The following PHYKPL variants were observed in gnomAD, a reference collection of about 807,000 sequenced individuals.
The protein encoded by PHYKPL is 5-phosphohydroxy-L-lysine phospho-lyase.
A neutral mutation model predicts 51.3 loss-of-function variants in PHYKPL; 42 were observed. The observed-to-expected ratio is 0.82, with a 90% CI of 0.64 to 1.06. The LOEUF (loss-of-function observed/expected upper bound fraction) is 1.06, where lower values mean the gene tolerates loss of function less well. Among genes scored for constraint, PHYKPL ranks in the 50% least tolerant of loss-of-function variants. The pLI is 0.00. For synonymous variants in PHYKPL, 264 were observed against 236.0 expected (o/e 1.12, Z -1.09); for missense variants, 655 against 586.6 (o/e 1.12, Z -1.20).
intron 1 of PHYKPL, chr5:178,232,221 G>A (rs1011097993): frequency 2.4e-6 from 3 of 1,262,644 alleles, no homozygotes; most frequent in Non-Finnish European, 3.0e-6. Context: ...CCGAACAGCG[G>A]TGAGGGCGGG....
chr5:178,210,847 T>G, intron 12 of PHYKPL: 1 of 567,072 alleles, frequency 1.8e-6, no homozygotes, highest in Non-Finnish European at 3.1e-6. Flanking sequence ...CATCATGGGC[T>G]GATTTTTATT....
At chr5:178,214,212 A>C (rs1240353579) in intron 10 of PHYKPL, among the ~76,000 whole-genome samples, 1 of 152,130 alleles carries the variant, frequency 6.6e-6, no homozygotes. Context: ...TGGGGAATGG[A>C]GATAAAAGGG....
chr5:178,223,877 G>A (rs1326272165), intron 6 of PHYKPL: 1 of 199,136 alleles, frequency 5.0e-6, no homozygotes, highest in Non-Finnish European at 1.0e-5. Context: ...AGCTCACTTG[G>A]GGCCTGCTGG....
rs781761949 is a variant in PHYKPL, at chr5:178,213,038, G to C, written c.1238C>G (p.Pro413Arg). ...ATTGTCCAGGCTGAAGCACATTGGG[G>C]GCTTAAACTTCAGGATGTTCCTCCC... ...GPGRNILKFK[P>R]PMCFSLDNAR... The change falls in exon 11 of 13, where the codon CCC becomes CGC. Residue 413 changes from proline to arginine, a missense_variant. Transcript: ENST00000308158. 1.6e-5 allele frequency: 26 copies of C among 1,614,198 alleles called. No individual in the cohort carries two copies. In the East Asian group the frequency reaches 5.3e-4, roughly 33 times the overall value.
intron 11 of PHYKPL, 32 bp from the exon 12 acceptor site, chr5:178,212,002 G>A (rs751463560): frequency 6.2e-7 from 1 of 1,613,418 alleles, no homozygotes; most frequent in East Asian, 2.2e-5. Flanking sequence ...TGCCGACTCA[G>A]TCACCTTTCT....
chr5:178,209,899 T>G (rs542241980), intron 12 of PHYKPL, among the ~76,000 whole-genome samples: 1 of 151,874 alleles, frequency 6.6e-6, no homozygotes, highest in Non-Finnish European at 1.5e-5. Flanking sequence ...ACTGAGTGAG[T>G]GAGCTGCCTT....
Position 178,225,343 on chromosome 5 carries a change from A to G in PHYKPL, c.413+12T>C, listed in dbSNP as rs767207021. The stretch of plus-strand genomic sequence containing the variant: ...GGCTTCTGGGAACGGTAGGGCTGTG[A>G]GTTGCACTTACTGATCTAATACCAC... On this transcript the variant is annotated intron_variant, in intron 4 of 12. Transcript: ENST00000308158. 1.1e-5 allele frequency: 18 copies of G among 1,614,010 alleles called. No homozygotes were observed. The East Asian group carries it at 2.5e-4, about 22-fold the overall frequency.
At chr5:178,231,234 A>G (rs1217416743) in intron 2 of PHYKPL, among the ~76,000 whole-genome samples, 171 bp downstream of exon 2, 1 of 152,188 alleles carries the variant, frequency 6.6e-6, no homozygotes, top group African/African-American at 2.4e-5. Flanking sequence ...ACAGCTCCAG[A>G]TTGCAGAATT....
In PHYKPL at chr5:178,211,902, T is replaced by C. The variant is rs1184182772; in HGVS notation, c.*19A>G. On this transcript the variant is annotated 3_prime_UTR_variant, in exon 12 of 13. Coordinates refer to ENST00000308158, the MANE Select transcript of PHYKPL (RefSeq NM_153373.4). ...AAGGCCCACTCACCTGGAGTACACT[T>C]AGGCAGAGCAGGGCTGGCTTAGGGC... 1.2e-6 allele frequency: 2 copies of C among 1,613,740 alleles called. No individual in the cohort carries two copies. Among genetic ancestry groups the C allele is most frequent in the East Asian group, 4.5e-5 (2 of 44,880 alleles).
At chr5:178,210,107 C>G (rs1757726546) in intron 12 of PHYKPL, 1 of 1,612,378 alleles carries the variant, frequency 6.2e-7, no homozygotes, top group African/African-American at 1.3e-5. Flanking sequence ...GGTCCACGGG[C>G]CCCTGTGCCC....
intron 8 of PHYKPL, chr5:178,216,409 C>A (rs988362838): frequency 4.6e-5 from 7 of 152,122 alleles, no homozygotes; most frequent in African/African-American, 1.2e-4. Context: ...GAGTGACTTA[C>A]GGGTTCCAGG....
intron 6 of PHYKPL, chr5:178,224,195 G>A (rs1488796126): frequency 4.3e-6 from 2 of 465,924 alleles, no homozygotes; most frequent in African/African-American, 2.0e-5. Flanking sequence ...CCCCTACTGT[G>A]TCAGAGAGCA....
chr5:178,207,225 G>A, downstream of PHYKPL: 2 of 1,614,134 alleles, frequency 1.2e-6, no homozygotes, highest in Non-Finnish European at 1.7e-6. Flanking sequence ...GTGGAAGCAA[G>A]GTAAGGTGTT....
chr5:178,223,407 G>A, intron 6 of PHYKPL: 1 of 456,392 alleles, frequency 2.2e-6, no homozygotes, highest in South Asian at 1.5e-5. Context: ...CCTCCACATG[G>A]CCACCAGGGT....
chr5:178,219,196 T>C (rs1418407813), intron 8 of PHYKPL, among the ~76,000 whole-genome samples: 1 of 151,616 alleles, frequency 6.6e-6, no homozygotes, highest in Non-Finnish European at 1.5e-5. Context: ...AACAAAATGA[T>C]AAGAGTTGAC....
chr5:178,223,034 C>G, intron 6 of PHYKPL, 100 bp from the exon 7 acceptor site: 1 of 1,124,742 alleles, frequency 8.9e-7, no homozygotes, highest in South Asian at 1.4e-5. Context: ...AGACAAGTCA[C>G]CATCAGTGCT....
Position 178,222,426 on chromosome 5 carries a change from C to T in PHYKPL, c.856G>A (p.Val286Ile). ...GGCTGGGTTGCGGCCACGCAGGCAA[C>T]AGGGTGGCCGTTGCCAATGGACTTG... ...MGKSIGNGHP[V>I]ACVAATQPVA... Residue 286 changes from valine (V) to isoleucine (I), a missense_variant, in exon 8 of 13, where the codon GTT becomes ATT. Coordinates refer to ENST00000308158, the MANE Select transcript of PHYKPL (RefSeq NM_153373.4). 2 of 1,614,262 alleles carry T rather than the reference C, an allele frequency of 1.2e-6. No individual in the cohort carries two copies. The highest frequency in any genetic ancestry group is 1.7e-6 in the Non-Finnish European group (2 of 1,180,048).
Position 178,231,529 on chromosome 5 carries a change from G to C in PHYKPL, c.60-6C>G. On this transcript the variant is annotated splice_region_variant and splice_polypyrimidine_tract_variant and intron_variant, in intron 1 of 12. Coordinates refer to ENST00000308158, the MANE Select transcript of PHYKPL (RefSeq NM_153373.4). ...AAAAGAGTCTGCAGGAAGAGCTGTG[G>C]GGACAGGCAAGGAGTGGACAGCCAT... 1 of 1,614,164 alleles carries C rather than the reference G, an allele frequency of 6.2e-7. No homozygotes were observed. The highest frequency in any genetic ancestry group is 1.1e-5 in the South Asian group (1 of 91,082).
At chr5:178,229,652 G>A (rs531246407) in intron 3 of PHYKPL, 146 of 294,254 alleles carry the variant, frequency 5.0e-4, no homozygotes, top group Middle Eastern at 1.0e-3. Context: ...CCCACAGGCA[G>A]GGATTTTGGC....
Sources: gnomAD v4.1 joint callset for allele counts (sites outside exome capture counted in the v4.1 genomes callset) on GRCh38, gnomAD v4.1.1 for gene constraint, MANE v1.5 for transcripts, NCBI Gene and HGNC (gene_info 2026-07-23, HGNC 2026-07-21) for gene names.